METTL25: variants seen among roughly 807,000 people sequenced by gnomAD.
The protein encoded by METTL25 is probable methyltransferase-like protein 25.
METTL25 carries 64 observed loss-of-function variants against 71.6 expected under a neutral mutation model. That is an observed-to-expected ratio of 0.89 (90% CI 0.73 to 1.10). METTL25 has a LOEUF of 1.10. Ranked by LOEUF, METTL25 falls within the 50% of genes least tolerant of loss-of-function variation. The pLI, the probability that METTL25 is intolerant of heterozygous loss-of-function variation, is 0.00. For missense variants in METTL25, 807 were observed against 707.0 expected, an observed-to-expected ratio of 1.14 and a Z score of -1.60; for synonymous variants, 287 against 250.3, an observed-to-expected ratio of 1.15 and a Z score of -1.38.
At chr12:82,438,273 T>C (rs749047207) in intron 7 of METTL25, among the ~76,000 whole-genome samples, 6 of 151,704 alleles carry the variant, frequency 4.0e-5, no homozygotes, top group Non-Finnish European at 7.4e-5. Flanking sequence ...AGGGTAGTTA[T>C]TTCTTTCTTG....
intron 9 of METTL25, chr12:82,476,173 G>A (rs1892867909): frequency 6.5e-6 from 1 of 152,728 alleles, no homozygotes; most frequent in Non-Finnish European, 1.5e-5. Context: ...AGAAATAAAA[G>A]TAATTCTCTC....
At chr12:82,463,418 T>C (rs930064053) in intron 9 of METTL25, among the ~76,000 whole-genome samples, 11 of 152,082 alleles carry the variant, frequency 7.2e-5, no homozygotes, top group African/African-American at 2.7e-4. Context: ...GATTTCATTA[T>C]TATTTATGGC....
chr12:82,387,700 TCTA>T (rs1286450950), intron 2 of METTL25, among the ~76,000 whole-genome samples: 3 of 95,938 alleles, frequency 3.1e-5, no homozygotes, highest in East Asian at 3.3e-4. Flanking sequence ...GTAGTTCTCT[TCTA>T]CACACACACG....
intron 1 of METTL25, among the ~76,000 whole-genome samples, chr12:82,379,973 T>G (rs1215630589): frequency 6.6e-6 from 1 of 152,188 alleles, no homozygotes; most frequent in South Asian, 2.1e-4. Context: ...TCTTCTCTAG[T>G]AGCCTGTAAG....
intron 8 of METTL25, among the ~76,000 whole-genome samples, chr12:82,446,904 A>G (rs1030514648): frequency 3.9e-5 from 6 of 152,320 alleles, no homozygotes; most frequent in East Asian, 3.9e-4. Flanking sequence ...GGCATGTGCC[A>G]CCACGCCCGG....
chr12:82,452,953 C>T (rs1436901528), intron 8 of METTL25, among the ~76,000 whole-genome samples: 4 of 152,138 alleles, frequency 2.6e-5, no homozygotes, highest in African/African-American at 9.7e-5. Context: ...AAGCTTGTTT[C>T]AGTCTTTAGT....
chr12:82,475,509 A>G (rs1202761295), intron 9 of METTL25, among the ~76,000 whole-genome samples: 1 of 150,220 alleles, frequency 6.7e-6, no homozygotes, highest in African/African-American at 2.4e-5. Flanking sequence ...GCTATTGTGA[A>G]AAAAAAAAGG....
At chr12:82,388,594 C>G (rs995511365) in intron 2 of METTL25, among the ~76,000 whole-genome samples, 1 of 151,930 alleles carries the variant, frequency 6.6e-6, no homozygotes, top group Admixed American at 6.6e-5. Flanking sequence ...AGTTTAAGGG[C>G]CACAGTTTGG....
At chr12:82,391,397 A>G (rs1885568351) in intron 3 of METTL25, among the ~76,000 whole-genome samples, 1 of 152,056 alleles carries the variant, frequency 6.6e-6, no homozygotes, top group African/African-American at 2.4e-5. Flanking sequence ...ATGATGTATC[A>G]CTGTGTAAGA....
chr12:82,413,722 A>G (rs914538770), intron 5 of METTL25, among the ~76,000 whole-genome samples: 1 of 151,982 alleles, frequency 6.6e-6, no homozygotes, highest in South Asian at 2.1e-4. Context: ...TATTATTTCA[A>G]TTTAACCTTA....
At chr12:82,371,284 C>T (rs1255968683) in intron 1 of METTL25, among the ~76,000 whole-genome samples, 1 of 152,168 alleles carries the variant, frequency 6.6e-6, no homozygotes, top group East Asian at 1.9e-4. Flanking sequence ...GGTGCCTGCC[C>T]CAGGCACCCT....
Position 82,399,136 on chromosome 12 carries a change from C to A in METTL25, c.873C>A (p.Asn291Lys), listed in dbSNP as rs772852044. The A allele has an allele frequency of 3.1e-6, 5 of 1,613,574 alleles. No homozygotes were observed. In the African/African-American group the frequency reaches 5.3e-5, roughly 17 times the overall value. ...GCTCTGTAATTTCTAATATCAGAAACCAAATGGAAACCCTTCATTCTCAGC... is the reference window on the plus strand; with the variant it reads ...GCTCTGTAATTTCTAATATCAGAAAACAAATGGAAACCCTTCATTCTCAGC... ...FSGSVISNIR[N>K]QMETLHSQPH... Residue 291 changes from asparagine (N) to lysine (K), a missense_variant, in exon 4 of 12, where the codon AAC becomes AAA. Physicochemically the swap from Asn to Lys is moderately conservative, Grantham distance 94. Transcript: ENST00000248306.
chr12:82,464,855 A>ACC (rs1892125308), intron 9 of METTL25, among the ~76,000 whole-genome samples: 1 of 148,964 alleles, frequency 6.7e-6, no homozygotes, highest in African/African-American at 2.5e-5. Context: ...TATATATTTT[A>ACC]TTTCCTTTAT....
chr12:82,445,116 T>A (rs556915640), intron 8 of METTL25, among the ~76,000 whole-genome samples: 4 of 152,280 alleles, frequency 2.6e-5, no homozygotes, highest in South Asian at 4.1e-4. Flanking sequence ...AGTATTTTTT[T>A]AATAAGTACA....
chr12:82,456,635 A>G (rs985097171), intron 8 of METTL25, 92 bp from the exon 9 acceptor site: 1 of 687,882 alleles, frequency 1.5e-6, no homozygotes, highest in Non-Finnish European at 2.4e-6. Flanking sequence ...CTATATCCAC[A>G]GAAAATATTT....
intron 9 of METTL25, among the ~76,000 whole-genome samples, chr12:82,464,565 T>G (rs1892107657): frequency 6.6e-6 from 1 of 152,072 alleles, no homozygotes; most frequent in African/African-American, 2.4e-5. Flanking sequence ...AGCTTTGTTC[T>G]TTTGGTTCAA....
chr12:82,392,592 G>C (rs1885698366), intron 3 of METTL25, among the ~76,000 whole-genome samples: 1 of 152,030 alleles, frequency 6.6e-6, no homozygotes, highest in South Asian at 2.1e-4. Flanking sequence ...TCTTCACTCT[G>C]ATTGTTTACT....
intron 1 of METTL25, among the ~76,000 whole-genome samples, chr12:82,362,668 G>A (rs908599655): frequency 6.6e-6 from 1 of 152,266 alleles, no homozygotes; most frequent in East Asian, 1.9e-4. Flanking sequence ...AATTTTGTGT[G>A]GTGATGTGAT....
At chr12:82,404,684 A>G (rs1172784024) in intron 5 of METTL25, among the ~76,000 whole-genome samples, 1 of 152,086 alleles carries the variant, frequency 6.6e-6, no homozygotes, top group Non-Finnish European at 1.5e-5. Context: ...ATTTAGAGAC[A>G]CTAATGCCAG....
Sources: gnomAD v4.1 joint callset for allele counts (sites outside exome capture counted in the v4.1 genomes callset) on GRCh38, gnomAD v4.1.1 for gene constraint, MANE v1.5 for transcripts, NCBI Gene and HGNC (gene_info 2026-07-23, HGNC 2026-07-21) for gene names.